Variants in TGFBR2 observed in about 807,000 individuals in gnomAD.
TGFBR2 encodes the protein transforming growth factor beta receptor 2.
Under a neutral mutation model 49.0 loss-of-function variants are expected in TGFBR2, and 18 were observed. The observed-to-expected ratio is 0.37, with a 90% confidence interval of 0.25 to 0.54. The LOEUF is 0.54. TGFBR2 is among the 20% of genes least tolerant of loss of function. The pLI is 0.85. For synonymous variants in TGFBR2, 282 were observed against 275.9 expected, an observed-to-expected ratio of 1.02 and a Z score of -0.22; for missense variants, 525 against 722.6, an observed-to-expected ratio of 0.73 and a Z score of 3.13.
chr3:30,613,359 G>A (rs996464806), intron 1 of TGFBR2, among the ~76,000 whole-genome samples: 2 of 151,992 alleles, frequency 1.3e-5, no homozygotes, highest in African/African-American at 2.4e-5. Flanking sequence ...CCATGATTTG[G>A]TTATGTGGGA....
chr3:30,620,050 G>A (rs1698199739), intron 1 of TGFBR2, among the ~76,000 whole-genome samples: 2 of 152,154 alleles, frequency 1.3e-5, no homozygotes, highest in South Asian at 4.1e-4. Context: ...AGCTGGGCGT[G>A]GTGGCGGGTG....
At position 30,672,511 on chromosome 3, in the gene TGFBR2, G is replaced by A; in HGVS notation, c.1254+74G>A. ...CCCTACCTCTTGATCCATATCTCCT[G>A]GCTCTTATCTCAAACAGCCCTGTAC... is the stretch of plus-strand genomic sequence containing the variant. On this transcript the variant is annotated intron_variant, in intron 4 of 6. Coordinates refer to ENST00000295754, the MANE Select transcript of TGFBR2 (RefSeq NM_003242.6). The surrounding 1 kb of genome is among the most constrained non-coding windows in gnomAD (Gnocchi z 4.5). The A allele has an allele frequency of 1.3e-6, 2 of 1,507,500 alleles. No homozygotes were observed. Among genetic ancestry groups the A allele is most frequent in the Admixed American group, 1.7e-5 (1 of 59,834 alleles). 93.4% of individuals were successfully genotyped at this position (1,507,500 alleles called of 1,614,324 possible).
chr3:30,640,891 C>T (rs557010531), intron 1 of TGFBR2, among the ~76,000 whole-genome samples: 1 of 152,268 alleles, frequency 6.6e-6, no homozygotes, highest in East Asian at 1.9e-4. Context: ...TAGCTATGCA[C>T]ATGTATGCAC....
At position 30,624,275 on chromosome 3, in the gene TGFBR2, G is replaced by A. The variant is rs150618888; in HGVS notation, c.94+17298G>A. Among the ~76,000 whole-genome samples the A allele has an allele frequency of 6.4e-3, 976 of 152,272 alleles. 6 individuals carry two copies. Among genetic ancestry groups the A allele is most frequent in the Middle Eastern group, 0.014 (4 of 294 alleles). ...TATAAAAGAAGGTATACATTGAAGA[G>A]CAACAGAGCCTACCTCTATGACTGA... On this transcript the variant is annotated intron_variant, in intron 1 of 6. Coordinates refer to ENST00000295754, the MANE Select transcript of TGFBR2 (RefSeq NM_003242.6).
At chr3:30,684,526 A>G (rs1699593099) in intron 5 of TGFBR2, among the ~76,000 whole-genome samples, 1 of 152,200 alleles carries the variant, frequency 6.6e-6, no homozygotes, top group Non-Finnish European at 1.5e-5. Context: ...GTTTAGGTCA[A>G]ATGATGATCC....
chr3:30,661,538 G>T (rs2125422519), intron 3 of TGFBR2: 1 of 506,354 alleles, frequency 2.0e-6, no homozygotes, highest in South Asian at 1.5e-5. Context: ...ACAGGTAGAT[G>T]TAAAATCAGA....
rs538488353 is a variant in TGFBR2 at position 30,670,115 on chromosome 3, T to C, written c.455-1523T>C. Among the ~76,000 whole-genome samples, 26 of 152,234 alleles carry C rather than the reference T, an allele frequency of 1.7e-4. No individual in the cohort carries two copies. The South Asian group carries it at 5.4e-3, about 32-fold the overall frequency. On this transcript the variant is annotated intron_variant, in intron 3 of 6. Coordinates refer to ENST00000295754, the MANE Select transcript of TGFBR2 (RefSeq NM_003242.6). ...TTTCTATTCCGCAGGTGCAGAGTGG[T>C]CAGTATGGGATAATTGCTCTTCCTT...
At chr3:30,614,334 A>G (rs1698093465) in intron 1 of TGFBR2, among the ~76,000 whole-genome samples, 1 of 152,170 alleles carries the variant, frequency 6.6e-6, no homozygotes, top group South Asian at 2.1e-4. Context: ...AAGATTGTCA[A>G]AACTTCATTT....
chr3:30,688,798 C>T (rs1222633145), intron 6 of TGFBR2, among the ~76,000 whole-genome samples: 1 of 152,234 alleles, frequency 6.6e-6, no homozygotes, highest in Non-Finnish European at 1.5e-5. Flanking sequence ...TGTTTGCAGC[C>T]TCTGCTACTT....
intron 1 of TGFBR2, among the ~76,000 whole-genome samples, chr3:30,627,107 A>G (rs984744503): frequency 6.6e-6 from 1 of 152,138 alleles, no homozygotes; most frequent in Non-Finnish European, 1.5e-5. Flanking sequence ...TGTGTGGGGA[A>G]GCTCCTTAGA....
At chr3:30,673,469 G>C (rs1024316992) in intron 4 of TGFBR2, among the ~76,000 whole-genome samples, 4 of 152,182 alleles carry the variant, frequency 2.6e-5, no homozygotes, top group Non-Finnish European at 5.9e-5. Flanking sequence ...ATCAGTCATA[G>C]AGATTAGCAC....
At chr3:30,647,683 T>C (rs1698770478) in intron 2 of TGFBR2, among the ~76,000 whole-genome samples, 1 of 152,018 alleles carries the variant, frequency 6.6e-6, no homozygotes, top group South Asian at 2.1e-4. Context: ...TTATTATTAT[T>C]ATTTTTAAAT....
At chr3:30,660,321 T>C (rs1478299051) in intron 3 of TGFBR2, among the ~76,000 whole-genome samples, 1 of 152,194 alleles carries the variant, frequency 6.6e-6, no homozygotes, top group Non-Finnish European at 1.5e-5. Flanking sequence ...TGCTTAGGCT[T>C]GGCTGCACAT....
intron 6 of TGFBR2, among the ~76,000 whole-genome samples, chr3:30,689,687 A>G (rs372650285): frequency 6.6e-6 from 1 of 152,296 alleles, no homozygotes; most frequent in African/African-American, 2.4e-5. Flanking sequence ...TTGACACTAA[A>G]ACTGTAAGAA....
intron 1 of TGFBR2, among the ~76,000 whole-genome samples, chr3:30,620,168 CAG>C (rs1263989699): frequency 6.6e-6 from 1 of 152,188 alleles, no homozygotes; most frequent in Admixed American, 6.5e-5. Context: ...GCCTAGGCGA[CAG>C]AGTGAGACTC....
chr3:30,638,957 C>A (rs1288044592), intron 1 of TGFBR2, among the ~76,000 whole-genome samples: 1 of 152,168 alleles, frequency 6.6e-6, no homozygotes, highest in Non-Finnish European at 1.5e-5. Context: ...CAATTAAAAA[C>A]CTCCTTTCAG....
rs528792820 is a variant in TGFBR2 at position 30,616,189 on chromosome 3, T to C, written c.94+9212T>C. Among the ~76,000 whole-genome samples the C allele has an allele frequency of 5.9e-5, 9 of 152,334 alleles. No individual in the cohort carries two copies. The East Asian group carries it at 1.7e-3, about 29-fold the overall frequency. On this transcript the variant is annotated intron_variant, in intron 1 of 6. Coordinates refer to ENST00000295754, the MANE Select transcript of TGFBR2 (RefSeq NM_003242.6). ...AAAGACCTGAGTCTTTGACTAATGG[T>C]AGGATTTGTTTGTTGGTTTAGAAAA...
intron 1 of TGFBR2, among the ~76,000 whole-genome samples, chr3:30,617,715 A>G (rs1246791622): frequency 3.3e-5 from 5 of 152,102 alleles, no homozygotes; most frequent in Non-Finnish European, 7.4e-5. Flanking sequence ...ATGGTTTCCT[A>G]TCATCTTCTG....
intron 5 of TGFBR2, among the ~76,000 whole-genome samples, chr3:30,685,100 G>A (rs184719960): frequency 6.6e-6 from 1 of 152,308 alleles, no homozygotes; most frequent in Admixed American, 6.5e-5. Flanking sequence ...TCTGATGTTG[G>A]TCATGTCCTC....
Sources: gnomAD v4.1 joint callset for allele counts (sites outside exome capture counted in the v4.1 genomes callset) on GRCh38, gnomAD v4.1.1 for gene constraint, Gnocchi (gnomAD v3.1) non-coding constraint, MANE v1.5 for transcripts, NCBI Gene and HGNC (gene_info 2026-07-23, HGNC 2026-07-21) for gene names.